Variants in KLHL1 observed in about 807,000 individuals in gnomAD.
KLHL1 encodes the protein kelch like family member 1.
KLHL1 carries 47 observed loss-of-function variants against 77.7 expected under a neutral mutation model. The ratio of observed to expected loss-of-function variants is 0.60; its 90% confidence interval spans 0.48 to 0.77. KLHL1 has a LOEUF of 0.77. Ranked by LOEUF, KLHL1 falls within the 30% of genes least tolerant of loss-of-function variation. The probability of loss-of-function intolerance (pLI) is 0.00; values close to 1 mark genes in which losing one functional copy is unlikely to be tolerated. For missense variants in KLHL1, 925 were observed against 910.8 expected (o/e 1.02, Z -0.20); for synonymous variants, 360 against 325.2 (o/e 1.11, Z -1.15).
intron 7 of KLHL1, among the ~76,000 whole-genome samples, chr13:69,782,998 T>A (rs1876310607): frequency 6.6e-6 from 1 of 152,200 alleles, no homozygotes; most frequent in Non-Finnish European, 1.5e-5. Flanking sequence ...GCATTTGCGG[T>A]TCACCAAGAT....
At chr13:69,706,198 C>T (rs1875617878) in intron 10 of KLHL1, among the ~76,000 whole-genome samples, 1 of 151,570 alleles carries the variant, frequency 6.6e-6, no homozygotes, top group Non-Finnish European at 1.5e-5. Flanking sequence ...AATGCTTCTT[C>T]TCTAGCAATT....
intron 2 of KLHL1, among the ~76,000 whole-genome samples, chr13:69,970,164 C>G (rs1884338426): frequency 6.6e-6 from 1 of 152,112 alleles, no homozygotes; most frequent in Admixed American, 6.6e-5. Flanking sequence ...CATTCTTGAG[C>G]ATTGCCTTAA....
intron 1 of KLHL1, among the ~76,000 whole-genome samples, chr13:70,024,655 T>TCTCTCTCTCTCTCTCTCTCTCG (rs1885896441): frequency 6.1e-5 from 9 of 148,330 alleles, no homozygotes; most frequent in Admixed American, 4.7e-4. Context: ...TCTCTCTCTC[T>TCTCTCTCTCTCTCTCTCTCTCG]CTCTCGCTCT....
At chr13:69,761,040 C>G (rs1874996915) in intron 7 of KLHL1, among the ~76,000 whole-genome samples, 1 of 152,116 alleles carries the variant, frequency 6.6e-6, no homozygotes, top group Non-Finnish European at 1.5e-5. Context: ...ACTCAATGCT[C>G]CTGGGAGTTG....
chr13:70,063,661 G>T (rs1886943443), intron 1 of KLHL1, among the ~76,000 whole-genome samples: 1 of 151,604 alleles, frequency 6.6e-6, no homozygotes, highest in African/African-American at 2.4e-5. Context: ...TTAACTCCAA[G>T]GAAATCCAAG....
intron 1 of KLHL1, among the ~76,000 whole-genome samples, chr13:69,982,661 T>A (rs1401266173): frequency 6.6e-6 from 1 of 151,632 alleles, no homozygotes; most frequent in Non-Finnish European, 1.5e-5. Context: ...AATTAAATTA[T>A]TCAATTAAAA....
chr13:69,810,059 A>C (rs1877799746), intron 6 of KLHL1, among the ~76,000 whole-genome samples: 1 of 152,112 alleles, frequency 6.6e-6, no homozygotes, highest in African/African-American at 2.4e-5. Flanking sequence ...TCTAGACCTA[A>C]GAAAAGACTT....
At chr13:69,790,524 T>C (rs1196650357) in intron 7 of KLHL1, among the ~76,000 whole-genome samples, 1 of 152,172 alleles carries the variant, frequency 6.6e-6, no homozygotes. Flanking sequence ...CTTGTGACTA[T>C]AGATGTGAAA....
At chr13:70,023,257 G>C (rs368441928) in intron 1 of KLHL1, among the ~76,000 whole-genome samples, 6 of 151,876 alleles carry the variant, frequency 4.0e-5, no homozygotes, top group African/African-American at 1.4e-4. Flanking sequence ...TCAAATTTTT[G>C]TTGCATATGT....
intron 1 of KLHL1, among the ~76,000 whole-genome samples, chr13:70,047,679 C>T (rs528666415): frequency 5.9e-5 from 9 of 152,162 alleles, no homozygotes; most frequent in African/African-American, 1.7e-4. Flanking sequence ...GCTTTAAACT[C>T]GCAGCTAAAT....
intron 1 of KLHL1, among the ~76,000 whole-genome samples, chr13:69,992,920 A>AG (rs1405399422): frequency 1.4e-5 from 2 of 143,224 alleles, no homozygotes; most frequent in East Asian, 2.1e-4. Flanking sequence ...TATGCTGCAG[A>AG]GGGAAAAAAA....
At chr13:69,726,637 C>A (rs1203052686) in intron 8 of KLHL1, among the ~76,000 whole-genome samples, 3 of 151,834 alleles carry the variant, frequency 2.0e-5, no homozygotes, top group African/African-American at 7.3e-5. Context: ...TAAAACATAC[C>A]CAAATTTATG....
intron 4 of KLHL1, among the ~76,000 whole-genome samples, chr13:69,931,041 A>ATTTTTTTTTTTTTTTTTTTTTTTTTTT (rs1178447581): frequency 6.6e-6 from 1 of 151,662 alleles, no homozygotes; most frequent in African/African-American, 2.4e-5. Context: ...ACTATCATAT[A>ATTTTTTTTTTTTTTTTTTTTTTTTTTT]TTCTTACCCA....
At chr13:69,793,495 T>C (rs1237161424) in intron 7 of KLHL1, among the ~76,000 whole-genome samples, 2 of 2,188 alleles carry the variant, frequency 9.1e-4, no homozygotes, top group African/African-American at 2.4e-3. Context: ...TAAAATCATG[T>C]AAGTTTTTTT....
At chr13:69,990,061 C>T (rs1289073487) in intron 1 of KLHL1, among the ~76,000 whole-genome samples, 2 of 151,940 alleles carry the variant, frequency 1.3e-5, no homozygotes, top group Non-Finnish European at 2.9e-5. Context: ...CCAATAATTT[C>T]ATATCTGGCC....
At chr13:69,870,910 T>C (rs1465898445) in intron 5 of KLHL1, among the ~76,000 whole-genome samples, 1 of 152,062 alleles carries the variant, frequency 6.6e-6, no homozygotes, top group East Asian at 1.9e-4. Flanking sequence ...CTCTCAGGGA[T>C]TGAAACTGAC....
intron 8 of KLHL1, among the ~76,000 whole-genome samples, chr13:69,732,140 G>A (rs986849836): frequency 2.0e-5 from 3 of 152,090 alleles, no homozygotes; most frequent in South Asian, 2.1e-4. Context: ...AGATACAAAC[G>A]ATCATAAACA....
intron 4 of KLHL1, among the ~76,000 whole-genome samples, chr13:69,921,696 C>G (rs953575653): frequency 1.3e-5 from 2 of 151,988 alleles, no homozygotes; most frequent in African/African-American, 4.8e-5. Flanking sequence ...TTTATTCAAT[C>G]AAAACAATAT....
chr13:70,031,185 AG>A (rs979442348), intron 1 of KLHL1, among the ~76,000 whole-genome samples: 2 of 152,330 alleles, frequency 1.3e-5, no homozygotes, highest in African/African-American at 4.8e-5. Context: ...CAGAAATGGG[AG>A]TGCTGCAATT....
Sources: gnomAD v4.1 joint callset for allele counts (sites outside exome capture counted in the v4.1 genomes callset) on GRCh38, gnomAD v4.1.1 for gene constraint, MANE v1.5 for transcripts, NCBI Gene and HGNC (gene_info 2026-07-23, HGNC 2026-07-21) for gene names.